ATP1A1: variants seen among roughly 807,000 people sequenced by gnomAD.
ATP1A1 encodes ATPase Na+/K+ transporting subunit alpha 1, also known as sodium/potassium-transporting ATPase subunit alpha-1.
In ATP1A1, 14 loss-of-function variants were observed where a neutral mutation model predicts 114.8. The ratio of observed to expected loss-of-function variants is 0.12; its 90% CI spans 0.08 to 0.19. The LOEUF (loss-of-function observed/expected upper bound fraction) is 0.19. Among genes scored for constraint, ATP1A1 ranks in the 10% least tolerant of loss-of-function variants. The pLI is 1.00. For missense variants in ATP1A1, 524 were observed against 1,290.7 expected (o/e 0.41, Z 9.10); for synonymous variants, 471 against 466.3 (o/e 1.01, Z -0.13).
rs765465246 is a variant in ATP1A1, at chr1:116,388,193, A to G, written c.450A>G (p.Gln150=). ...TAACTGGTTGCTTCTCCTACTATCAAGAAGCTAAAAGTTCAAAGATCATGG... is the reference window on the plus strand; with the variant it reads ...TAACTGGTTGCTTCTCCTACTATCAGGAAGCTAAAAGTTCAAAGATCATGG... ...VIITGCFSYY[Q]EAKSSKIMES... Residue 150 remains glutamine (Q), a synonymous_variant, in exon 5 of 23, where the codon CAA becomes CAG. Transcript: ENST00000295598. This position sits in a 1 kb window ranked among gnomAD's most constrained non-coding sequence, Gnocchi z 5.6. 13 of 1,614,064 alleles carry G rather than the reference A, an allele frequency of 8.1e-6. No individual in the cohort carries two copies. The South Asian group carries it at 1.3e-4, about 16-fold the overall frequency.
At chr1:116,383,383 G>C in intron 1 of ATP1A1, 1 of 1,018,080 alleles carries the variant, frequency 9.8e-7, no homozygotes, top group South Asian at 3.1e-5. Flanking sequence ...ATGTAATAAT[G>C]TCTTTGCAAA....
At position 116,401,155 on chromosome 1, in the gene ATP1A1, A is replaced by C. The variant is rs765387548; in HGVS notation, c.2744A>C (p.Glu915Ala). 6.2e-7 allele frequency: 1 copy of C among 1,614,196 alleles called. No individual in the cohort carries two copies. The highest frequency in any genetic ancestry group is 8.5e-7 in the Non-Finnish European group (1 of 1,180,030). ...ACCTATGAGCAGAGGAAAATCGTGG[A>C]GTTCACCTGCCACACAGCCTTCTTC... ...QWTYEQRKIV[E>A]FTCHTAFFVS... Residue 915 changes from glutamate to alanine, a missense_variant, in exon 20 of 23, where the codon GAG becomes GCG. Physicochemically the swap from Glu to Ala is moderately radical, Grantham distance 107. Transcript: ENST00000295598. The surrounding 1 kb of genome is among the most constrained non-coding windows in gnomAD (Gnocchi z 4.7).
At chr1:116,375,605 G>T (rs2101028170) in intron 1 of ATP1A1, among the ~76,000 whole-genome samples, 1 of 152,310 alleles carries the variant, frequency 6.6e-6, no homozygotes, top group South Asian at 2.1e-4. Context: ...TTGGCTGCTG[G>T]GTGGTAGTTA....
At position 116,373,262 on chromosome 1, in the gene ATP1A1, G is replaced by A. The variant is rs1396818402; in HGVS notation, c.-250G>A. On this transcript the variant is annotated 5_prime_UTR_variant, in exon 1 of 23. Coordinates refer to ENST00000295598, the MANE Select transcript of ATP1A1 (RefSeq NM_000701.8). ...GCGGGCTGGAGCTGCGGCGGGGTCT[G>A]GGGCGCAGAGCAGCGGCGGGAGGAG... is the stretch of plus-strand genomic sequence containing the variant. 3 of 382,472 alleles carry A rather than the reference G, an allele frequency of 7.8e-6. No homozygotes were observed. Among genetic ancestry groups the A allele is most frequent in the South Asian group, 1.6e-4 (2 of 12,800 alleles). The allele number at this position is 382,472 out of a possible 1,614,324, so 23.7% of individuals were successfully genotyped here.
chr1:116,399,234 A>G lies in ATP1A1; in HGVS notation c.2448+150A>G. ...CAGTGTGTGTCCCAATCCCGGCTTC[A>G]CAGAATCAGTATTACCACTCTTCAA... is the stretch of plus-strand genomic sequence containing the variant. On this transcript the variant is annotated intron_variant, in intron 17 of 22. Transcript: ENST00000295598. This position sits in a 1 kb window ranked among gnomAD's most constrained non-coding sequence, Gnocchi z 5.0. The G allele has an allele frequency of 1.5e-6, 2 of 1,375,942 alleles. No homozygotes were observed. The highest frequency in any genetic ancestry group is 2.0e-6 in the Non-Finnish European group (2 of 1,002,438). 85.2% of individuals were successfully genotyped at this position (1,375,942 alleles called of 1,614,324 possible). A position where few individuals can be genotyped will look rare whatever the true frequency, so the allele number is the denominator to read the frequency against.
Position 116,404,570 on chromosome 1 carries a change from G to A in ATP1A1, c.*126G>A. On this transcript the variant is annotated 3_prime_UTR_variant, in exon 23 of 23. Coordinates refer to ENST00000295598, the MANE Select transcript of ATP1A1 (RefSeq NM_000701.8). The surrounding 1 kb of genome is among the most constrained non-coding windows in gnomAD (Gnocchi z 4.8). ...TGGTAGGAAAGCACCGCAGCATGTG[G>A]GGAAGCAAGACGTCCTGGAATGAAG... The A allele has an allele frequency of 7.0e-7, 1 of 1,421,708 alleles. No individual in the cohort carries two copies. The highest frequency in any genetic ancestry group is 9.2e-7 in the Non-Finnish European group (1 of 1,089,238). 88.1% of individuals were successfully genotyped at this position (1,421,708 alleles called of 1,614,324 possible).
intron 10 of ATP1A1, 113 bp from the exon 11 acceptor site, chr1:116,392,741 C>A: frequency 7.6e-7 from 1 of 1,320,648 alleles, no homozygotes; most frequent in Non-Finnish European, 1.0e-6. Flanking sequence ...CTTGCCCATC[C>A]TCTGCTACCT....
intron 1 of ATP1A1, among the ~76,000 whole-genome samples, chr1:116,383,793 C>G (rs1235533887): frequency 6.6e-6 from 1 of 152,176 alleles, no homozygotes; most frequent in Non-Finnish European, 1.5e-5. Flanking sequence ...GTTCTTAATG[C>G]TCTTGGATGG....
chr1:116,399,660 G>A lies in ATP1A1; in HGVS notation c.2572+117G>A. The A allele has an allele frequency of 1.4e-6, 2 of 1,419,342 alleles. No individual in the cohort carries two copies. Among genetic ancestry groups the A allele is most frequent in the Non-Finnish European group, 1.9e-6 (2 of 1,043,366 alleles). 87.9% of individuals were successfully genotyped at this position (1,419,342 alleles called of 1,614,324 possible). The stretch of plus-strand genomic sequence containing the variant: ...AAATCCAGGCGACTTTCAGGTCTAG[G>A]ATGAGCCCTAACGGAGTGAGCCTGT... On this transcript the variant is annotated intron_variant, in intron 18 of 22. Transcript: ENST00000295598. This position sits in a 1 kb window ranked among gnomAD's most constrained non-coding sequence, Gnocchi z 5.0.
chr1:116,390,494 T>C (rs1652369182), intron 9 of ATP1A1, 83 bp downstream of exon 9: 2 of 449,442 alleles, frequency 4.4e-6, no homozygotes, highest in Non-Finnish European at 3.2e-6. Context: ...ATGAAATTTC[T>C]TTTTTTTTTT....
intron 18 of ATP1A1, 30 bp from the exon 19 acceptor site, chr1:116,400,831 T>C (rs1004262419): frequency 6.2e-7 from 1 of 1,612,864 alleles, no homozygotes; most frequent in African/African-American, 1.3e-5. Flanking sequence ...TGTGTGAGGT[T>C]CTAGTAATTG....
Position 116,401,432 on chromosome 1 carries a change from C to G in ATP1A1, c.2850-122C>G. ...GTAGCTTTCTAGTTTTTTCATCTGA[C>G]CTCCAAGTTTTCAAGTACAGCTAAT... On this transcript the variant is annotated intron_variant, in intron 20 of 22. Transcript: ENST00000295598. This position sits in a 1 kb window ranked among gnomAD's most constrained non-coding sequence, Gnocchi z 4.7. 1 of 1,432,862 alleles carries G rather than the reference C, an allele frequency of 7.0e-7. No homozygotes were observed. Among genetic ancestry groups the G allele is most frequent in the Non-Finnish European group, 9.6e-7 (1 of 1,045,292 alleles). The allele number at this position is 1,432,862 out of a possible 1,614,324, so 88.8% of individuals were successfully genotyped here. A position where few individuals can be genotyped will look rare whatever the true frequency, so the allele number is the denominator to read the frequency against.
chr1:116,401,490 T>C lies in ATP1A1; in HGVS notation c.2850-64T>C, dbSNP rs1184048908. The stretch of plus-strand genomic sequence containing the variant: ...GATGTTGATCTGCCATTTTAATGCA[T>C]AGCATTAGAAGATAAACCTTTATTT... On this transcript the variant is annotated intron_variant, in intron 20 of 22. Transcript: ENST00000295598. This position sits in a 1 kb window ranked among gnomAD's most constrained non-coding sequence, Gnocchi z 4.7. 3.0e-5 allele frequency: 45 copies of C among 1,514,872 alleles called. No individual in the cohort carries two copies. The South Asian group carries it at 4.7e-4, about 16-fold the overall frequency. 93.8% of individuals were successfully genotyped at this position (1,514,872 alleles called of 1,614,324 possible).
rs1653007210 is a variant in ATP1A1 at position 116,397,262 on chromosome 1, T to C, written c.1973+528T>C. ...TAAGGTTTAGGGCCCTTTCACCCTA[T>C]GTTACGGTTAGAGGAGGGTTTGGTC... On this transcript the variant is annotated intron_variant, in intron 14 of 22. Transcript: ENST00000295598. The surrounding 1 kb of genome is among the most constrained non-coding windows in gnomAD (Gnocchi z 4.2). 1.3e-5 allele frequency among the ~76,000 whole-genome samples: 2 copies of C among 152,338 alleles called. No individual in the cohort carries two copies. The highest frequency in any genetic ancestry group is 1.3e-4 in the Admixed American group (2 of 15,304).
chr1:116,398,546 G>T lies in ATP1A1; in HGVS notation c.2125-75G>T. The T allele has an allele frequency of 6.5e-7, 1 of 1,526,836 alleles. No individual in the cohort carries two copies. Among genetic ancestry groups the T allele is most frequent in the South Asian group, 1.2e-5 (1 of 80,370 alleles). The allele number at this position is 1,526,836 out of a possible 1,614,324, so 94.6% of individuals were successfully genotyped here. On this transcript the variant is annotated intron_variant, in intron 15 of 22. Coordinates refer to ENST00000295598, the MANE Select transcript of ATP1A1 (RefSeq NM_000701.8). This position sits in a 1 kb window ranked among gnomAD's most constrained non-coding sequence, Gnocchi z 6.1. ...GCAGTGTCTGTAATGAGTGCTCAGT[G>T]GGGGCATGCATCGCACTATTTCCAT...
At position 116,387,281 on chromosome 1, in the gene ATP1A1, T is replaced by C. The variant is rs1415991372; in HGVS notation, c.184-7T>C. ...GTTTGCCTTATTTATATTCCACTGC[T>C]TCTCAGGGATTAACATCTGCTCGTG... On this transcript the variant is annotated splice_polypyrimidine_tract_variant and splice_region_variant and intron_variant, in intron 3 of 22. Coordinates refer to ENST00000295598, the MANE Select transcript of ATP1A1 (RefSeq NM_000701.8). The surrounding 1 kb of genome is among the most constrained non-coding windows in gnomAD (Gnocchi z 6.7). 2 of 1,613,848 alleles carry C rather than the reference T, an allele frequency of 1.2e-6. No homozygotes were observed. The highest frequency in any genetic ancestry group is 2.7e-5 in the African/African-American group (2 of 74,930).
chr1:116,404,616 G>T lies in ATP1A1; in HGVS notation c.*172G>T, dbSNP rs557398122. 9 of 1,198,414 alleles carry T rather than the reference G, an allele frequency of 7.5e-6. No individual in the cohort carries two copies. The highest frequency in any genetic ancestry group is 4.8e-5 in the African/African-American group (3 of 62,306). 74.2% of individuals were successfully genotyped at this position (1,198,414 alleles called of 1,614,324 possible). On this transcript the variant is annotated 3_prime_UTR_variant, in exon 23 of 23. Coordinates refer to ENST00000295598, the MANE Select transcript of ATP1A1 (RefSeq NM_000701.8). This position sits in a 1 kb window ranked among gnomAD's most constrained non-coding sequence, Gnocchi z 4.8. ...TGAAGCATGTAGCTCTATGGGGGGA[G>T]GGGGGAGGGCTGCCTGAAAACCATC...
Position 116,388,407 on chromosome 1 carries a change from A to T in ATP1A1, c.501+163A>T. 1 of 955,530 alleles carries T rather than the reference A, an allele frequency of 1.0e-6. No individual in the cohort carries two copies. Among genetic ancestry groups the T allele is most frequent in the Non-Finnish European group, 1.5e-6 (1 of 647,014 alleles). 59.2% of individuals were successfully genotyped at this position (955,530 alleles called of 1,614,324 possible). ...ACCAACCTATTTTCCTTCTATCCAA[A>T]AAGTGGTAGCCTTTCTTTTGAATGT... On this transcript the variant is annotated intron_variant, in intron 5 of 22. Coordinates refer to ENST00000295598, the MANE Select transcript of ATP1A1 (RefSeq NM_000701.8). This position sits in a 1 kb window ranked among gnomAD's most constrained non-coding sequence, Gnocchi z 5.6.
Position 116,399,345 on chromosome 1 carries a change from T to C in ATP1A1, c.2449-75T>C. ...AGATTTTTAAATGGGAGGGCAAGAA[T>C]TTTATAACAAAAGGTTCACAATATT... is the stretch of plus-strand genomic sequence containing the variant. On this transcript the variant is annotated intron_variant, in intron 17 of 22. Coordinates refer to ENST00000295598, the MANE Select transcript of ATP1A1 (RefSeq NM_000701.8). This position sits in a 1 kb window ranked among gnomAD's most constrained non-coding sequence, Gnocchi z 5.0. 1.9e-6 allele frequency: 3 copies of C among 1,541,816 alleles called. No homozygotes were observed. Among genetic ancestry groups the C allele is most frequent in the Non-Finnish European group, 2.6e-6 (3 of 1,143,700 alleles).
Sources: gnomAD v4.1 joint callset for allele counts (sites outside exome capture counted in the v4.1 genomes callset) on GRCh38, gnomAD v4.1.1 for gene constraint, Gnocchi (gnomAD v3.1) non-coding constraint, MANE v1.5 for transcripts, NCBI Gene and HGNC (gene_info 2026-07-23, HGNC 2026-07-21) for gene names.